Variants in MDGA2 observed in about 807,000 individuals in gnomAD.
The protein encoded by MDGA2 is MAM domain containing glycosylphosphatidylinositol anchor 2.
Under a neutral mutation model 117.8 loss-of-function variants are expected in MDGA2, and 40 were observed. The observed-to-expected ratio is 0.34, with a 90% CI of 0.26 to 0.44. The LOEUF (loss-of-function observed/expected upper bound fraction) is 0.44, where lower values mean the gene tolerates loss of function less well. Among genes scored for constraint, MDGA2 ranks in the 20% least tolerant of loss-of-function variants. The pLI is 1.00. For missense variants in MDGA2, 1,123 were observed against 1,250.6 expected, an observed-to-expected ratio of 0.90 and a Z score of 1.54; for synonymous variants, 452 against 439.0, an observed-to-expected ratio of 1.03 and a Z score of -0.37.
chr14:47,214,030 C>T (rs1420724708), intron 3 of MDGA2, among the ~76,000 whole-genome samples: 1 of 151,952 alleles, frequency 6.6e-6, no homozygotes, highest in Non-Finnish European at 1.5e-5. Context: ...GTAAAGAGTC[C>T]CTCATAAAAC....
At chr14:47,337,441 C>T (rs1890493690) in intron 1 of MDGA2, among the ~76,000 whole-genome samples, 1 of 151,846 alleles carries the variant, frequency 6.6e-6, no homozygotes, top group Non-Finnish European at 1.5e-5. Flanking sequence ...TTAGAGCTCC[C>T]GTCTATCTGA....
intron 1 of MDGA2, among the ~76,000 whole-genome samples, chr14:47,560,826 G>T (rs1895784904): frequency 6.6e-6 from 1 of 152,046 alleles, no homozygotes; most frequent in Admixed American, 6.6e-5. Flanking sequence ...ACAGTTTTAG[G>T]TTTTACATTT....
chr14:47,325,579 G>A lies in MDGA2; in HGVS notation c.281-24029C>T, dbSNP rs77594436. On this transcript the variant is annotated intron_variant, in intron 1 of 16. Transcript: ENST00000399232. ...ATCACTTAATATGACACGAGGACATGAGGGATTGATAGAACACAACTAAGA... is the reference window on the plus strand; with the variant it reads ...ATCACTTAATATGACACGAGGACATAAGGGATTGATAGAACACAACTAAGA... 7.3e-3 allele frequency among the ~76,000 whole-genome samples: 1,116 copies of A among 152,218 alleles called. 15 individuals carry two copies. Among genetic ancestry groups the A allele is most frequent in the African/African-American group, 0.026 (1,070 of 41,542 alleles).
intron 1 of MDGA2, among the ~76,000 whole-genome samples, chr14:47,386,733 A>G (rs1891769079): frequency 6.6e-6 from 1 of 152,180 alleles, no homozygotes; most frequent in Admixed American, 6.5e-5. Context: ...TTCCACAAGT[A>G]TGGTATTTAT....
At chr14:47,116,924 T>TA (rs35585140) in intron 5 of MDGA2, among the ~76,000 whole-genome samples, 6 of 145,620 alleles carry the variant, frequency 4.1e-5, no homozygotes, top group Admixed American at 6.8e-5. Flanking sequence ...CACATCAAAA[T>TA]AAAAAAAAAG....
chr14:46,944,493 T>C (rs1032928981), intron 9 of MDGA2, among the ~76,000 whole-genome samples: 4 of 151,998 alleles, frequency 2.6e-5, no homozygotes, highest in Non-Finnish European at 4.4e-5. Context: ...GATCTGTGGG[T>C]TTGCTTCGTA....
At chr14:47,074,745 A>C (rs1890428786) in intron 6 of MDGA2, among the ~76,000 whole-genome samples, 1 of 151,934 alleles carries the variant, frequency 6.6e-6, no homozygotes, top group South Asian at 2.1e-4. Flanking sequence ...CTTTGTCCTG[A>C]ATCTGGGCAC....
intron 1 of MDGA2, among the ~76,000 whole-genome samples, chr14:47,336,333 G>C (rs1416015397): frequency 2.0e-5 from 3 of 151,828 alleles, no homozygotes; most frequent in African/African-American, 7.3e-5. Context: ...TGGAATGAGA[G>C]ATTAGCCCCA....
intron 1 of MDGA2, among the ~76,000 whole-genome samples, chr14:47,540,240 C>T (rs952755257): frequency 2.0e-5 from 3 of 151,976 alleles, no homozygotes; most frequent in African/African-American, 7.2e-5. Context: ...GTCTCGATCT[C>T]CTGACCTCGT....
rs1880107926 is a variant in MDGA2, at chr14:47,098,402, T to C, written c.926-1279A>G. Among the ~76,000 whole-genome samples the C allele has an allele frequency of 2.6e-5, 4 of 151,872 alleles. No individual in the cohort carries two copies. In the South Asian group the frequency reaches 6.2e-4, roughly 24 times the overall value. On this transcript the variant is annotated intron_variant, in intron 5 of 16. Coordinates refer to ENST00000399232, the MANE Select transcript of MDGA2 (RefSeq NM_001113498.3). ...TCTTCTAACATCACTTTAAATAATA[T>C]GGGAATTTTTAAAATGTCATACTAT...
intron 8 of MDGA2, among the ~76,000 whole-genome samples, chr14:46,980,916 A>C (rs1186032072): frequency 6.6e-6 from 1 of 152,208 alleles, no homozygotes; most frequent in Non-Finnish European, 1.5e-5. Flanking sequence ...GACTTGCCTC[A>C]TTTCAGAATT....
intron 1 of MDGA2, among the ~76,000 whole-genome samples, chr14:47,636,907 C>T (rs1486778902): frequency 7.3e-6 from 1 of 136,338 alleles, no homozygotes; most frequent in Non-Finnish European, 1.6e-5. Context: ...GGGAAATGAA[C>T]GTTACAGTGA....
rs540608822 is a variant in MDGA2, at chr14:47,107,222, A to G, written c.926-10099T>C. Among the ~76,000 whole-genome samples, 65 of 152,018 alleles carry G rather than the reference A, an allele frequency of 4.3e-4. 1 individual carries two copies. The South Asian group carries it at 5.8e-3, about 14-fold the overall frequency. ...AAAAGATTAAAGCCTGTTATCACTC[A>G]CCTGCTACAGCATGGCCTTTTAAAG... On this transcript the variant is annotated intron_variant, in intron 5 of 16. Coordinates refer to ENST00000399232, the MANE Select transcript of MDGA2 (RefSeq NM_001113498.3).
intron 1 of MDGA2, among the ~76,000 whole-genome samples, chr14:47,322,154 T>C (rs1378631904): frequency 6.6e-6 from 1 of 152,140 alleles, no homozygotes; most frequent in Admixed American, 6.6e-5. Context: ...GGATTTGATT[T>C]CCTATCAGTG....
intron 5 of MDGA2, among the ~76,000 whole-genome samples, chr14:47,110,908 C>G (rs977292343): frequency 6.6e-6 from 1 of 152,084 alleles, no homozygotes; most frequent in African/African-American, 2.4e-5. Context: ...ACAATTACTA[C>G]CAAATAAACT....
chr14:47,556,454 T>C (rs974330694), intron 1 of MDGA2, among the ~76,000 whole-genome samples: 2 of 152,216 alleles, frequency 1.3e-5, no homozygotes, highest in African/African-American at 4.8e-5. Context: ...TAGAATTCTA[T>C]GTATTTTCCA....
chr14:47,047,438 A>G (rs1424634489), intron 7 of MDGA2, among the ~76,000 whole-genome samples: 2 of 152,242 alleles, frequency 1.3e-5, no homozygotes, highest in East Asian at 1.9e-4. Flanking sequence ...ATTTTGTAAT[A>G]TATTTGTAAA....
intron 1 of MDGA2, among the ~76,000 whole-genome samples, chr14:47,327,484 C>A (rs1261923850): frequency 1.3e-5 from 2 of 152,128 alleles, no homozygotes; most frequent in Non-Finnish European, 2.9e-5. Context: ...TTTCCCACTG[C>A]CTTATTGCAA....
chr14:47,144,363 T>C (rs1201130983), intron 3 of MDGA2, 89 bp from the exon 4 acceptor site: 1 of 871,426 alleles, frequency 1.1e-6, no homozygotes, highest in Non-Finnish European at 1.7e-6. Context: ...CAAAAATGCA[T>C]ATTCCTCATT....
Sources: allele counts gnomAD v4.1 joint callset (sites outside exome capture counted in the v4.1 genomes callset), GRCh38; gene constraint gnomAD v4.1.1; transcripts MANE v1.5; gene names NCBI Gene and HGNC (gene_info 2026-07-23, HGNC 2026-07-21).